The following ERC2 variants were observed in gnomAD, a reference collection of about 807,000 sequenced individuals.
ERC2 encodes the protein ERC protein 2.
ERC2 carries 42 observed loss-of-function variants against 114.8 expected under a neutral mutation model. The observed-to-expected ratio is 0.37, with a 90% confidence interval of 0.29 to 0.47. The LOEUF (loss-of-function observed/expected upper bound fraction) is 0.47, where lower values mean the gene tolerates loss of function less well. ERC2 is among the 20% of genes least tolerant of loss of function. The pLI is 0.99. For synonymous variants in ERC2, 454 were observed against 425.5 expected (o/e 1.07, Z -0.82); for missense variants, 939 against 1,150.7 (o/e 0.82, Z 2.66).
chr3:55,771,565 T>C (rs1184871155), intron 14 of ERC2, among the ~76,000 whole-genome samples: 2 of 152,128 alleles, frequency 1.3e-5, no homozygotes, highest in Non-Finnish European at 2.9e-5. Context: ...TTGTTCGTGG[T>C]GGAAAAATTA....
chr3:55,981,870 T>C (rs2070165712), intron 12 of ERC2, among the ~76,000 whole-genome samples: 1 of 152,024 alleles, frequency 6.6e-6, no homozygotes, highest in Admixed American at 6.6e-5. Flanking sequence ...AAGAGTGGGG[T>C]GAGACAAACC....
At chr3:56,178,901 T>A (rs567410637) in intron 3 of ERC2, among the ~76,000 whole-genome samples, 1 of 152,084 alleles carries the variant, frequency 6.6e-6, no homozygotes, top group East Asian at 1.9e-4. Flanking sequence ...CAACTTCCAA[T>A]AGGATAGTCA....
intron 13 of ERC2, among the ~76,000 whole-genome samples, chr3:55,905,173 C>T (rs7621837): frequency 0.72 from 109,025 of 151,930 alleles, 39,325 homozygotes; most frequent in Admixed American, 0.78. Flanking sequence ...CTCTGCCTCC[C>T]GGGTTCAAGC....
intron 14 of ERC2, among the ~76,000 whole-genome samples, chr3:55,844,583 G>A (rs2061272489): frequency 1.3e-5 from 2 of 152,296 alleles, no homozygotes; most frequent in South Asian, 4.1e-4. Context: ...TGCTCAAGAT[G>A]TTCTGTTTTT....
rs554768484 is a variant in ERC2 at position 55,691,453 on chromosome 3, A to G, written c.2848-7594T>C. ...ATCAGCACCAATAAGAGGTTTCTTC[A>G]TGGGTTGTTGAATCTGAAGGCTTCA... On this transcript the variant is annotated intron_variant, in intron 16 of 17. Transcript: ENST00000288221. Among the ~76,000 whole-genome samples the G allele has an allele frequency of 2.7e-3, 398 of 148,646 alleles. 2 individuals carry two copies. Among genetic ancestry groups the G allele is most frequent in the Admixed American group, 4.5e-3 (67 of 14,880 alleles).
intron 7 of ERC2, among the ~76,000 whole-genome samples, chr3:56,074,737 T>C (rs1388334131): frequency 6.6e-6 from 1 of 152,128 alleles, no homozygotes; most frequent in Non-Finnish European, 1.5e-5. Flanking sequence ...CTCTTCTGTG[T>C]TTTATTATTC....
At chr3:56,161,521 T>C (rs920568762) in intron 4 of ERC2, among the ~76,000 whole-genome samples, 1 of 152,222 alleles carries the variant, frequency 6.6e-6, no homozygotes, top group Non-Finnish European at 1.5e-5. Context: ...ATTTGTCCAC[T>C]CTATGAGCAT....
At chr3:55,832,480 G>A (rs542768729) in intron 14 of ERC2, among the ~76,000 whole-genome samples, 229 of 152,286 alleles carry the variant, frequency 1.5e-3, no homozygotes, top group African/African-American at 5.1e-3. Context: ...CCACTGCTGC[G>A]GATACCCAGG....
At chr3:55,599,855 G>T (rs1477174476) in intron 17 of ERC2, among the ~76,000 whole-genome samples, 1 of 152,180 alleles carries the variant, frequency 6.6e-6, no homozygotes, top group Admixed American at 6.5e-5. Flanking sequence ...ACTGGTAGAA[G>T]ATCCAAGTTC....
At chr3:55,822,573 T>TC (rs1038085620) in intron 14 of ERC2, among the ~76,000 whole-genome samples, 22 of 150,422 alleles carry the variant, frequency 1.5e-4, no homozygotes, top group African/African-American at 4.9e-4. Context: ...TTTTTCTTTT[T>TC]TTTTTTTTTG....
At chr3:55,938,526 C>A (rs893912402) in intron 13 of ERC2, among the ~76,000 whole-genome samples, 2 of 152,202 alleles carry the variant, frequency 1.3e-5, no homozygotes, top group South Asian at 2.1e-4. Flanking sequence ...AAAGGTAAAG[C>A]CGTCATTAAG....
intron 14 of ERC2, among the ~76,000 whole-genome samples, chr3:55,854,007 G>C (rs2061681600): frequency 6.6e-6 from 1 of 152,200 alleles, no homozygotes; most frequent in African/African-American, 2.4e-5. Flanking sequence ...CAGCGCGGCG[G>C]CTCACACCTG....
At chr3:56,310,585 C>A (rs2056478529) in intron 2 of ERC2, among the ~76,000 whole-genome samples, 1 of 151,454 alleles carries the variant, frequency 6.6e-6, no homozygotes, top group Non-Finnish European at 1.5e-5. Flanking sequence ...TGCCTGGGTT[C>A]ATCAGCCAAA....
intron 14 of ERC2, among the ~76,000 whole-genome samples, chr3:55,883,841 T>C (rs1482058585): frequency 1.3e-5 from 2 of 151,736 alleles, no homozygotes; most frequent in African/African-American, 2.4e-5. Context: ...TGAGCCAAGA[T>C]TGCACCACTG....
intron 7 of ERC2, among the ~76,000 whole-genome samples, chr3:56,055,461 C>T (rs1402824776): frequency 2.0e-5 from 3 of 152,110 alleles, no homozygotes; most frequent in African/African-American, 7.2e-5. Flanking sequence ...ATCTTTAGCA[C>T]CAGTAAATTT....
At chr3:55,796,168 C>T (rs1041230936) in intron 14 of ERC2, among the ~76,000 whole-genome samples, 7 of 152,302 alleles carry the variant, frequency 4.6e-5, no homozygotes, top group African/African-American at 1.7e-4. Context: ...GGAAGCCAGA[C>T]ACAGGACACA....
chr3:56,449,300 G>A (rs1194244950), intron 1 of ERC2, among the ~76,000 whole-genome samples: 2 of 152,060 alleles, frequency 1.3e-5, no homozygotes, highest in East Asian at 3.9e-4. Context: ...AGGCCTGTAG[G>A]TACCCAGAGC....
intron 4 of ERC2, among the ~76,000 whole-genome samples, chr3:56,161,478 A>G (rs2082043759): frequency 6.6e-6 from 1 of 152,186 alleles, no homozygotes; most frequent in African/African-American, 2.4e-5. Flanking sequence ...GAATCTGCAA[A>G]TTGCTTTAGG....
At chr3:56,389,494 T>C (rs952950912) in intron 2 of ERC2, among the ~76,000 whole-genome samples, 1 of 152,154 alleles carries the variant, frequency 6.6e-6, no homozygotes, top group Non-Finnish European at 1.5e-5. Flanking sequence ...AAAGGCCACC[T>C]GCAAATGAAA....
Sources: gnomAD v4.1 joint callset for allele counts (sites outside exome capture counted in the v4.1 genomes callset) on GRCh38, gnomAD v4.1.1 for gene constraint, MANE v1.5 for transcripts, NCBI Gene and HGNC (gene_info 2026-07-23, HGNC 2026-07-21) for gene names.